HTR1F: variants seen among roughly 807,000 people sequenced by gnomAD.
HTR1F encodes the protein 5-hydroxytryptamine receptor 1F.
Under a neutral mutation model 24.0 loss-of-function variants are expected in HTR1F, and 17 were observed. The ratio of observed to expected loss-of-function variants is 0.71; its 90% confidence interval spans 0.48 to 1.06. The LOEUF (loss-of-function observed/expected upper bound fraction) is 1.06, where lower values mean the gene tolerates loss of function less well. Ranked by LOEUF, HTR1F falls within the 50% of genes least tolerant of loss-of-function variation. HTR1F has a pLI of 0.00. For synonymous variants in HTR1F, 186 were observed against 156.8 expected (o/e 1.19, Z -1.39); for missense variants, 391 against 427.8 (o/e 0.91, Z 0.76).
chr3:87,923,912 T>A lies in HTR1F; in HGVS notation c.-42-66796T>A, dbSNP rs1030125477. ...TGGCTTGCTAGTATTTTGTTGAGGA[T>A]GTTTGCATCTCTGTTCATTGAGGAT... On this transcript the variant is annotated intron_variant, in intron 2 of 2. Transcript: ENST00000319595. Among the ~76,000 whole-genome samples, 3 of 152,206 alleles carry A rather than the reference T, an allele frequency of 2.0e-5. No homozygotes were observed. The South Asian group carries it at 6.2e-4, about 32-fold the overall frequency.
chr3:87,872,708 GT>G (rs1162122725), intron 2 of HTR1F, among the ~76,000 whole-genome samples: 2 of 151,902 alleles, frequency 1.3e-5, no homozygotes, highest in African/African-American at 4.8e-5. Context: ...AATGGATAAA[GT>G]CCTAGAAATA....
At chr3:87,978,896 GGAAGGA>G (rs1705460302) in intron 2 of HTR1F, among the ~76,000 whole-genome samples, 1 of 84,682 alleles carries the variant, frequency 1.2e-5, no homozygotes, top group Non-Finnish European at 2.5e-5. Flanking sequence ...GAGGGAGGAA[GGAAGGA>G]AGGAAGGAAG....
chr3:87,841,575 A>G lies in HTR1F; in HGVS notation c.-43+19451A>G, dbSNP rs537018413. On this transcript the variant is annotated intron_variant, in intron 2 of 2. Transcript: ENST00000319595. ...GTCTATATGTTATTTGAAATTCTAG[A>G]TTTCTGTGAAGCTCAATGACCTTAA... Among the ~76,000 whole-genome samples, 11 of 151,852 alleles carry G rather than the reference A, an allele frequency of 7.2e-5. 1 individual carries two copies. The highest frequency in any genetic ancestry group is 1.2e-4 in the Non-Finnish European group (8 of 67,990).
At chr3:87,966,777 T>G (rs1705171714) in intron 2 of HTR1F, among the ~76,000 whole-genome samples, 1 of 152,198 alleles carries the variant, frequency 6.6e-6, no homozygotes, top group South Asian at 2.1e-4. Context: ...TCATATACTC[T>G]TAATTAGTTA....
At chr3:87,831,344 T>C (rs939652950) in intron 2 of HTR1F, among the ~76,000 whole-genome samples, 3 of 119,952 alleles carry the variant, frequency 2.5e-5, no homozygotes, top group African/African-American at 1.0e-4. Flanking sequence ...ATTATTATTA[T>C]TATTATTATT....
intron 2 of HTR1F, among the ~76,000 whole-genome samples, chr3:87,836,593 G>A (rs1214935578): frequency 6.6e-6 from 1 of 152,070 alleles, no homozygotes; most frequent in African/African-American, 2.4e-5. Flanking sequence ...TTAAAGACTA[G>A]TATTTCTTAG....
chr3:87,957,100 C>T (rs901315187), intron 2 of HTR1F, among the ~76,000 whole-genome samples: 1 of 151,192 alleles, frequency 6.6e-6, no homozygotes, highest in African/African-American at 2.4e-5. Flanking sequence ...TTATAAATGC[C>T]TCTTATCAGA....
rs373804540 is a variant in HTR1F, at chr3:87,987,373, A to G, written c.-42-3335A>G. Among the ~76,000 whole-genome samples the G allele has an allele frequency of 3.3e-5, 5 of 151,732 alleles. No homozygotes were observed. In the East Asian group the frequency reaches 9.7e-4, roughly 29 times the overall value. Reference sequence around the variant, plus strand: ...ACAAATGTTTCAAGGGAAAATAGCTAAAGACTGTGAGGTTCACTGATACTA... The same window carrying G: ...ACAAATGTTTCAAGGGAAAATAGCTGAAGACTGTGAGGTTCACTGATACTA... On this transcript the variant is annotated intron_variant, in intron 2 of 2. Transcript: ENST00000319595.
chr3:87,866,181 A>C (rs547894882), intron 2 of HTR1F, among the ~76,000 whole-genome samples: 1 of 152,248 alleles, frequency 6.6e-6, no homozygotes, highest in Non-Finnish European at 1.5e-5. Flanking sequence ...GAAAGTGTCA[A>C]ATAATTGTTC....
chr3:87,812,866 C>T (rs1704184038), intron 1 of HTR1F, among the ~76,000 whole-genome samples: 2 of 152,242 alleles, frequency 1.3e-5, no homozygotes, highest in Admixed American at 1.3e-4. Context: ...AGCCCCAAGC[C>T]TTGGTGGCTT....
At chr3:87,985,359 A>G (rs1333245268) in intron 2 of HTR1F, among the ~76,000 whole-genome samples, 1 of 152,024 alleles carries the variant, frequency 6.6e-6, no homozygotes, top group East Asian at 1.9e-4. Flanking sequence ...GCAAAGAAAA[A>G]GTAGTTACTT....
At chr3:87,890,207 A>C (rs1398120119) in intron 2 of HTR1F, among the ~76,000 whole-genome samples, 1 of 152,232 alleles carries the variant, frequency 6.6e-6, no homozygotes, top group Non-Finnish European at 1.5e-5. Flanking sequence ...TGAAGGGAGC[A>C]AAAATAATTC....
intron 2 of HTR1F, among the ~76,000 whole-genome samples, chr3:87,955,901 T>C (rs766169628): frequency 1.3e-5 from 2 of 151,466 alleles, no homozygotes; most frequent in Non-Finnish European, 3.0e-5. Context: ...GAGTTATTAG[T>C]CTTATTGTTA....
chr3:87,856,874 C>T (rs933784946), intron 2 of HTR1F, among the ~76,000 whole-genome samples: 7 of 151,960 alleles, frequency 4.6e-5, no homozygotes, highest in Admixed American at 4.6e-4. Flanking sequence ...TCTGTAGAGC[C>T]CCACATTAAA....
chr3:87,977,960 G>T (rs1325090832), intron 2 of HTR1F, among the ~76,000 whole-genome samples: 3 of 152,170 alleles, frequency 2.0e-5, no homozygotes, highest in Non-Finnish European at 2.9e-5. Context: ...TACTGGCCCA[G>T]ATCCCATGCT....
chr3:87,864,885 T>G (rs1705390965), intron 2 of HTR1F, among the ~76,000 whole-genome samples: 2 of 131,212 alleles, frequency 1.5e-5, no homozygotes, highest in Non-Finnish European at 3.1e-5. Context: ...GAGCAAGACT[T>G]CATCTCAAAA....
chr3:87,963,867 TCTATACTTCATTC>T (rs1705112900), intron 2 of HTR1F, among the ~76,000 whole-genome samples: 1 of 152,138 alleles, frequency 6.6e-6, no homozygotes, highest in South Asian at 2.1e-4. Context: ...GGAAGCAAGG[TCTATACTTCATTC>T]TTACTCTTCA....
chr3:87,925,110 G>A (rs1283976630), intron 2 of HTR1F, among the ~76,000 whole-genome samples: 1 of 151,560 alleles, frequency 6.6e-6, no homozygotes, highest in Non-Finnish European at 1.5e-5. Context: ...AACATCAGTG[G>A]TAACTGTAAA....
chr3:87,932,477 G>A (rs190873121), intron 2 of HTR1F, among the ~76,000 whole-genome samples: 1 of 152,258 alleles, frequency 6.6e-6, no homozygotes, highest in African/African-American at 2.4e-5. Flanking sequence ...GACGGGTAGT[G>A]TGATGCCTCC....
Sources: gnomAD v4.1 joint callset for allele counts (sites outside exome capture counted in the v4.1 genomes callset) on GRCh38, gnomAD v4.1.1 for gene constraint, MANE v1.5 for transcripts, NCBI Gene and HGNC (gene_info 2026-07-23, HGNC 2026-07-21) for gene names.